GATB: variants seen among roughly 807,000 people sequenced by gnomAD.
GATB encodes glutamyl-tRNA amidotransferase subunit B, also known as glutamyl-tRNA(Gln) amidotransferase subunit B, mitochondrial.
GATB carries 39 observed loss-of-function variants against 62.3 expected under a neutral mutation model. That is an observed-to-expected ratio of 0.63 (90% CI 0.48 to 0.82). The LOEUF is 0.82. Ranked by LOEUF, GATB falls within the 40% of genes least tolerant of loss-of-function variation. The pLI is 0.00. For missense variants in GATB, 670 were observed against 684.0 expected (o/e 0.98, Z 0.23); for synonymous variants, 276 against 258.9 (o/e 1.07, Z -0.63).
chr4:151,725,726 T>C (rs2126982828), intron 2 of GATB, among the ~76,000 whole-genome samples: 1 of 152,386 alleles, frequency 6.6e-6, no homozygotes, highest in East Asian at 1.9e-4. Context: ...AGTACTTTTA[T>C]GTGAAATTCC....
At chr4:151,748,792 C>T (rs1257085561) in intron 2 of GATB, among the ~76,000 whole-genome samples, 8 of 152,088 alleles carry the variant, frequency 5.3e-5, no homozygotes, top group African/African-American at 1.9e-4. Flanking sequence ...CCAGAATCTA[C>T]AAAGAACTCA....
intron 8 of GATB, chr4:151,703,633 T>C: frequency 1.7e-6 from 1 of 575,292 alleles, no homozygotes; most frequent in Non-Finnish European, 3.1e-6. Flanking sequence ...GCTGAATCAG[T>C]CAAACAAGGC....
chr4:151,679,953 G>C, intron 10 of GATB, 62 bp from the exon 11 acceptor site: 3 of 1,456,356 alleles, frequency 2.1e-6, no homozygotes, highest in Non-Finnish European at 2.9e-6. Flanking sequence ...TCCATGAATG[G>C]CTGTTCGGAA....
At chr4:151,745,429 C>A (rs1226304855) in intron 2 of GATB, among the ~76,000 whole-genome samples, 1 of 152,218 alleles carries the variant, frequency 6.6e-6, no homozygotes, top group East Asian at 1.9e-4. Flanking sequence ...TCACCAATAT[C>A]TTCTATGTTC....
intron 5 of GATB, among the ~76,000 whole-genome samples, chr4:151,712,512 ACACT>A (rs1046351339): frequency 1.3e-5 from 2 of 152,202 alleles, no homozygotes; most frequent in Admixed American, 6.5e-5. Context: ...TCTCTAAAAC[ACACT>A]CACACAACAG....
At chr4:151,725,842 A>G (rs1739127344) in intron 2 of GATB, among the ~76,000 whole-genome samples, 1 of 152,360 alleles carries the variant, frequency 6.6e-6, no homozygotes, top group Admixed American at 6.5e-5. Context: ...CTTTCTAAAT[A>G]GTCCTCAATT....
rs149530791 is a variant in GATB at position 151,721,715 on chromosome 4, C to T, written c.328-2177G>A. 3.1e-3 allele frequency: 482 copies of T among 156,122 alleles called. 1 individual carries two copies. Among genetic ancestry groups the T allele is most frequent in the Non-Finnish European group, 4.6e-3 (326 of 70,936 alleles). The allele number at this position is 156,122 out of a possible 1,614,324, so 9.7% of individuals were successfully genotyped here. A position where few individuals can be genotyped will look rare whatever the true frequency, so the allele number is the denominator to read the frequency against. The stretch of plus-strand genomic sequence containing the variant: ...CCTCTGCTTTCCTAACCACTGCTTT[C>T]GCTCTCATTTCAAGCTTCTTTGCCC... On this transcript the variant is annotated intron_variant, in intron 2 of 12. Coordinates refer to ENST00000263985, the MANE Select transcript of GATB (RefSeq NM_004564.3).
intron 5 of GATB, among the ~76,000 whole-genome samples, chr4:151,710,862 C>T (rs532119080): frequency 6.6e-6 from 1 of 152,242 alleles, no homozygotes; most frequent in African/African-American, 2.4e-5. Flanking sequence ...ACATTTCTCT[C>T]TCCAGCCCAG....
chr4:151,688,597 C>A, intron 10 of GATB, 33 bp downstream of exon 10: 4 of 1,585,194 alleles, frequency 2.5e-6, no homozygotes, highest in Non-Finnish European at 3.4e-6. Context: ...GAGCTCATCA[C>A]AAAGGAAGAA....
chr4:151,719,231 A>G (rs1738977469), intron 3 of GATB, among the ~76,000 whole-genome samples, 194 bp downstream of exon 3: 1 of 152,212 alleles, frequency 6.6e-6, no homozygotes, highest in Non-Finnish European at 1.5e-5. Flanking sequence ...AGCAATCAGG[A>G]CAACTGCATC....
intron 2 of GATB, among the ~76,000 whole-genome samples, chr4:151,753,232 G>A (rs1261992736): frequency 6.6e-6 from 1 of 152,142 alleles, no homozygotes; most frequent in Non-Finnish European, 1.5e-5. Context: ...TGGGGGTAGG[G>A]CAGCTGCAGA....
intron 2 of GATB, among the ~76,000 whole-genome samples, chr4:151,742,280 G>T (rs1489171423): frequency 6.6e-6 from 1 of 151,730 alleles, no homozygotes; most frequent in Non-Finnish European, 1.5e-5. Flanking sequence ...AGTAGAGACG[G>T]CATTTCACCG....
chr4:151,711,406 C>A (rs542055675), intron 5 of GATB, among the ~76,000 whole-genome samples: 2 of 152,358 alleles, frequency 1.3e-5, no homozygotes, highest in African/African-American at 4.8e-5. Flanking sequence ...TACAGTGTCA[C>A]CTGATGCCAC....
At position 151,707,982 on chromosome 4, in the gene GATB, A is replaced by T. The variant is rs374592753; in HGVS notation, c.877+6T>A. 4.3e-5 allele frequency: 68 copies of T among 1,583,712 alleles called. No individual in the cohort carries two copies. Among genetic ancestry groups the T allele is most frequent in the Non-Finnish European group, 5.5e-5 (63 of 1,152,606 alleles). On this transcript the variant is annotated splice_donor_region_variant and intron_variant, in intron 6 of 12. Coordinates refer to ENST00000263985, the MANE Select transcript of GATB (RefSeq NM_004564.3). Reference sequence around the variant, plus strand: ...AAGGACACTAGGAGCGGCAGCTGGCATTCACCTATGGCTTTGGCCAGGAAC... The same window carrying T: ...AAGGACACTAGGAGCGGCAGCTGGCTTTCACCTATGGCTTTGGCCAGGAAC...
intron 2 of GATB, 49 bp from the exon 3 acceptor site, chr4:151,719,587 A>G (rs1272425914): frequency 7.9e-7 from 1 of 1,273,288 alleles, no homozygotes; most frequent in African/African-American, 1.5e-5. Context: ...GGCTGAACAA[A>G]TGCTTCTCCC....
chr4:151,702,245 AT>A (rs150093025), intron 8 of GATB, among the ~76,000 whole-genome samples: 1,915 of 152,286 alleles, frequency 0.013, 38 homozygotes, highest in African/African-American at 0.044. Flanking sequence ...CATTTCTACT[AT>A]TTTTAGCAGC....
At chr4:151,698,221 G>A (rs1039625978) in intron 9 of GATB, among the ~76,000 whole-genome samples, 6 of 151,808 alleles carry the variant, frequency 4.0e-5, no homozygotes, top group African/African-American at 1.5e-4. Flanking sequence ...CCCAGTCATG[G>A]AGTACCTACC....
intron 10 of GATB, among the ~76,000 whole-genome samples, chr4:151,688,024 G>A (rs1190407823): frequency 6.6e-6 from 1 of 152,154 alleles, no homozygotes; most frequent in African/African-American, 2.4e-5. Context: ...TTCTCCAGGT[G>A]GCCCTTGGTC....
chr4:151,758,800 A>G lies in GATB; in HGVS notation c.299T>C (p.Phe100Ser). ...CAAAGTTCCAGGTAGAGATGCATCA[A>G]AAAAAGAAACCAAAGAATTTGGAGG... The part of the protein sequence containing the change: ...SAPPNSLVSF[F>S]DASLPGTLPV... Residue 100 changes from phenylalanine (F) to serine (S), a missense_variant, in exon 2 of 13, where the codon TTT (phenylalanine) becomes TCT (serine). By Grantham distance (155) the Phe-to-Ser change is radical. Coordinates refer to ENST00000263985, the MANE Select transcript of GATB (RefSeq NM_004564.3). 6.2e-7 allele frequency: 1 copy of G among 1,606,722 alleles called. No homozygotes were observed. The highest frequency in any genetic ancestry group is 8.5e-7 in the Non-Finnish European group (1 of 1,176,578).
Sources: allele counts gnomAD v4.1 joint callset (sites outside exome capture counted in the v4.1 genomes callset), GRCh38; gene constraint gnomAD v4.1.1; transcripts MANE v1.5; gene names NCBI Gene and HGNC (gene_info 2026-07-23, HGNC 2026-07-21).